The following LMNB1 variants were observed in gnomAD, a reference collection of about 807,000 sequenced individuals.
The protein encoded by LMNB1 is lamin B1, also known as lamin-B1.
A neutral mutation model predicts 67.1 loss-of-function variants in LMNB1; 23 were observed. That is an observed-to-expected ratio of 0.34 (90% CI 0.25 to 0.49). The LOEUF is 0.49. LMNB1 is among the 20% of genes least tolerant of loss of function. LMNB1 has a pLI of 0.99. For missense variants in LMNB1, 634 were observed against 746.5 expected (o/e 0.85, Z 1.76); for synonymous variants, 281 against 282.9 (o/e 0.99, Z 0.07).
rs866869443 is a variant in LMNB1 at position 126,812,350 on chromosome 5, T to C, written c.939+452T>C. On this transcript the variant is annotated intron_variant, in intron 5 of 10. Transcript: ENST00000261366. ...CAAATTCTTTAGTGCTTAAAGTATA[T>C]AACAATTAGGATCCAGGAAAGTAGC... Among the ~76,000 whole-genome samples the C allele has an allele frequency of 3.3e-5, 5 of 152,242 alleles. No homozygotes were observed. In the South Asian group the frequency reaches 8.3e-4, roughly 25 times the overall value.
rs112299526 is a variant in LMNB1, at chr5:126,784,424, C to G, written c.359+6557C>G. On this transcript the variant is annotated intron_variant, in intron 1 of 10. Coordinates refer to ENST00000261366, the MANE Select transcript of LMNB1 (RefSeq NM_005573.4). ...AGGCTGGAGTGCAGTGGTGCGATCT[C>G]GGCTCACTGCAACCTCCGCCCCTCC... Among the ~76,000 whole-genome samples, 18 of 151,446 alleles carry G rather than the reference C, an allele frequency of 1.2e-4. No homozygotes were observed. In the East Asian group the frequency reaches 3.1e-3, roughly 26 times the overall value.
At chr5:126,802,627 A>G (rs2126707354) in intron 1 of LMNB1, among the ~76,000 whole-genome samples, 1 of 152,160 alleles carries the variant, frequency 6.6e-6, no homozygotes, top group African/African-American at 2.4e-5. Context: ...TATTTTTTAT[A>G]GAGACAGGGC....
intron 1 of LMNB1, among the ~76,000 whole-genome samples, chr5:126,800,644 CTTTTTTTTTTTT>C (rs35363581): frequency 1.9e-5 from 1 of 53,946 alleles, no homozygotes; most frequent in Non-Finnish European, 3.3e-5. Flanking sequence ...ACTGTATCTT[CTTTTTTTTTTTT>C]TTTTTTTTTT....
intron 5 of LMNB1, 93 bp downstream of exon 5, chr5:126,811,991 C>CTCTGTTTGTTACAGAGGATGGTGTCA: frequency 7.8e-7 from 1 of 1,274,656 alleles, no homozygotes; most frequent in South Asian, 1.3e-5. Context: ...TCACTCCTCC[C>CTCTGTTTGTTACAGAGGATGGTGTCA]TCTGTTTGTT....
At position 126,782,803 on chromosome 5, in the gene LMNB1, C is replaced by T. The variant is rs561841960; in HGVS notation, c.359+4936C>T. On this transcript the variant is annotated intron_variant, in intron 1 of 10. Coordinates refer to ENST00000261366, the MANE Select transcript of LMNB1 (RefSeq NM_005573.4). The stretch of plus-strand genomic sequence containing the variant: ...GACCTCGTGATCTGCCCGCCTCTGC[C>T]TCCCAAAGTGCTGGGATTACAGGCG... 9.2e-5 allele frequency among the ~76,000 whole-genome samples: 14 copies of T among 152,246 alleles called. No individual in the cohort carries two copies. The Middle Eastern group carries it at 0.017, about 185-fold the overall frequency.
chr5:126,810,057 C>A, intron 3 of LMNB1, 123 bp from the exon 4 acceptor site: 2 of 820,548 alleles, frequency 2.4e-6, no homozygotes, highest in African/African-American at 1.7e-5. Flanking sequence ...TTCACATGAC[C>A]GCCTGAGGAC....
intron 1 of LMNB1, among the ~76,000 whole-genome samples, chr5:126,793,322 A>AT (rs11397545): frequency 0.28 from 41,664 of 148,468 alleles, 6,087 homozygotes; most frequent in South Asian, 0.39. Flanking sequence ...TGTTACAGTG[A>AT]TTTTTTTTTT....
At chr5:126,814,540 GT>G (rs202142686) in intron 5 of LMNB1, among the ~76,000 whole-genome samples, 5,422 of 136,570 alleles carry the variant, frequency 0.04, 129 homozygotes, top group Non-Finnish European at 0.062. Flanking sequence ...TTGCAAGTTG[GT>G]TTTTTTTTTT....
chr5:126,818,865 C>T, intron 5 of LMNB1, 57 bp from the exon 6 acceptor site: 1 of 1,184,532 alleles, frequency 8.4e-7, no homozygotes, highest in South Asian at 1.3e-5. Context: ...AAAATAGCTG[C>T]CTGGTGCTAA....
At chr5:126,809,995 T>G (rs1252031421) in intron 3 of LMNB1, among the ~76,000 whole-genome samples, 185 bp from the exon 4 acceptor site, 1 of 115,330 alleles carries the variant, frequency 8.7e-6, no homozygotes, top group Non-Finnish European at 1.9e-5. Flanking sequence ...CTTCTGTCAT[T>G]AGTTCCATTT....
At chr5:126,805,799 CAA>C in intron 3 of LMNB1, 103 bp downstream of exon 3, 1 of 890,868 alleles carries the variant, frequency 1.1e-6, no homozygotes, top group Non-Finnish European at 1.6e-6. Context: ...TTCTTTGCCA[CAA>C]AAATATATCA....
chr5:126,794,192 T>A (rs1385522383), intron 1 of LMNB1, among the ~76,000 whole-genome samples: 1 of 152,204 alleles, frequency 6.6e-6, no homozygotes, highest in Non-Finnish European at 1.5e-5. Flanking sequence ...CCTATAGTAC[T>A]GGGATTACAG....
intron 1 of LMNB1, 45 bp downstream of exon 1, chr5:126,777,912 G>A (rs1750514127): frequency 1.4e-6 from 2 of 1,379,912 alleles, no homozygotes; most frequent in African/African-American, 3.0e-5. Flanking sequence ...GAGGGGCGGG[G>A]GCGCAACCGC....
At chr5:126,820,888 T>C (rs1751851740) in intron 6 of LMNB1, 22 bp from the exon 7 acceptor site, 1 of 1,558,050 alleles carries the variant, frequency 6.4e-7, no homozygotes, top group South Asian at 1.1e-5. Flanking sequence ...TAAAAATGAA[T>C]TGTTTTATTT....
chr5:126,805,812 G>A lies in LMNB1; in HGVS notation c.642+116G>A, dbSNP rs901441892. 6.1e-6 allele frequency: 5 copies of A among 816,190 alleles called. No homozygotes were observed. In the East Asian group the frequency reaches 8.0e-5, roughly 13 times the overall value. 50.6% of individuals were successfully genotyped at this position (816,190 alleles called of 1,614,324 possible). On this transcript the variant is annotated intron_variant, in intron 3 of 10. Coordinates refer to ENST00000261366, the MANE Select transcript of LMNB1 (RefSeq NM_005573.4). ...ATTTCTTTGCCACAAAAATATATCA[G>A]ATAAAGAAATAATAAGGTTTGGGGA...
intron 1 of LMNB1, among the ~76,000 whole-genome samples, chr5:126,788,464 C>G (rs1006433946): frequency 6.6e-6 from 1 of 152,054 alleles, no homozygotes; most frequent in African/African-American, 2.4e-5. Context: ...TGGCGAAACC[C>G]CGTTTCTACT....
chr5:126,780,468 G>C (rs1284229401), intron 1 of LMNB1, among the ~76,000 whole-genome samples: 1 of 152,168 alleles, frequency 6.6e-6, no homozygotes, highest in East Asian at 1.9e-4. Context: ...TAAATGTATC[G>C]ATTCTAAAAT....
chr5:126,824,859 C>CCCCCCT (rs1751958756), intron 8 of LMNB1, among the ~76,000 whole-genome samples: 1 of 113,968 alleles, frequency 8.8e-6, no homozygotes, highest in African/African-American at 3.2e-5. Context: ...CCCACCCTTT[C>CCCCCCT]TTTTTTTTGA....
intron 1 of LMNB1, among the ~76,000 whole-genome samples, chr5:126,790,458 A>G (rs1258098465): frequency 6.6e-6 from 1 of 152,102 alleles, no homozygotes; most frequent in Admixed American, 6.6e-5. Context: ...GAAGCAACAT[A>G]TGTTATAGCA....
Sources: gnomAD v4.1 joint callset for allele counts (sites outside exome capture counted in the v4.1 genomes callset) on GRCh38, gnomAD v4.1.1 for gene constraint, MANE v1.5 for transcripts, NCBI Gene and HGNC (gene_info 2026-07-23, HGNC 2026-07-21) for gene names.